Variants in MARCHF3 observed in about 807,000 individuals in gnomAD.
MARCHF3 encodes E3 ubiquitin-protein ligase MARCHF3.
In MARCHF3, 13 loss-of-function variants were observed where a neutral mutation model predicts 24.2. The ratio of observed to expected loss-of-function variants is 0.54; its 90% confidence interval spans 0.35 to 0.85. The LOEUF (loss-of-function observed/expected upper bound fraction) is 0.85. MARCHF3 is among the 40% of genes least tolerant of loss of function. MARCHF3 has a pLI of 0.01. For missense variants in MARCHF3, 276 were observed against 325.0 expected (o/e 0.85, Z 1.16); for synonymous variants, 144 against 137.3 (o/e 1.05, Z -0.34).
intron 4 of MARCHF3, among the ~76,000 whole-genome samples, chr5:126,876,121 C>T (rs1753148339): frequency 6.6e-6 from 1 of 152,194 alleles, no homozygotes; most frequent in Non-Finnish European, 1.5e-5. Context: ...GGAGATGAAA[C>T]GAGGTCACAT....
At chr5:126,870,946 T>G (rs1185037103) in intron 4 of MARCHF3, among the ~76,000 whole-genome samples, 155 bp from the exon 5 acceptor site, 1 of 152,084 alleles carries the variant, frequency 6.6e-6, no homozygotes, top group Non-Finnish European at 1.5e-5. Flanking sequence ...TGGCACGCAG[T>G]GAGTGTTGAG....
chr5:126,885,929 C>T (rs1009785797), intron 3 of MARCHF3, among the ~76,000 whole-genome samples: 3 of 151,490 alleles, frequency 2.0e-5, no homozygotes, highest in Non-Finnish European at 4.4e-5. Context: ...GTCATGAAGT[C>T]GTATGAGAAA....
chr5:127,026,603 A>C (rs1380199512), intron 1 of MARCHF3, among the ~76,000 whole-genome samples: 1 of 152,258 alleles, frequency 6.6e-6, no homozygotes, highest in African/African-American at 2.4e-5. Flanking sequence ...GATATGAACG[A>C]CTAAGCATAA....
intron 1 of MARCHF3, among the ~76,000 whole-genome samples, chr5:126,992,376 C>G (rs983195927): frequency 1.3e-5 from 2 of 152,170 alleles, no homozygotes; most frequent in Non-Finnish European, 1.5e-5. Flanking sequence ...AGGCTCAGGG[C>G]AAGATAATTT....
chr5:126,922,516 A>AT (rs149494492), intron 1 of MARCHF3, among the ~76,000 whole-genome samples: 1,132 of 58,216 alleles, frequency 0.019, 16 homozygotes, highest in African/African-American at 0.043. Context: ...TCTGTCTTTT[A>AT]TTTATTTATT....
intron 3 of MARCHF3, among the ~76,000 whole-genome samples, chr5:126,908,487 T>G (rs1040738792): frequency 1.3e-5 from 2 of 152,232 alleles, no homozygotes; most frequent in Non-Finnish European, 2.9e-5. Context: ...TCTTTTCACA[T>G]AGTCCCATAT....
chr5:127,014,952 T>G (rs2126859676), intron 1 of MARCHF3, among the ~76,000 whole-genome samples: 1 of 152,226 alleles, frequency 6.6e-6, no homozygotes, highest in South Asian at 2.1e-4. Flanking sequence ...ATTATATAGT[T>G]TCAGATAGCT....
At chr5:126,920,283 A>C (rs533109882) in intron 1 of MARCHF3, among the ~76,000 whole-genome samples, 14 of 152,250 alleles carry the variant, frequency 9.2e-5, no homozygotes, top group Admixed American at 3.3e-4. Context: ...TCAGACCGAA[A>C]AACAAAGAGA....
chr5:126,894,297 G>C (rs1450798251), intron 3 of MARCHF3, among the ~76,000 whole-genome samples: 1 of 148,872 alleles, frequency 6.7e-6, no homozygotes, highest in Non-Finnish European at 1.5e-5. Context: ...TACATTTAAA[G>C]TTAATATTGT....
At chr5:126,975,950 TGG>T (rs1400816900) in intron 1 of MARCHF3, among the ~76,000 whole-genome samples, 2 of 152,212 alleles carry the variant, frequency 1.3e-5, no homozygotes, top group Non-Finnish European at 2.9e-5. Context: ...AATGCCTCTT[TGG>T]GTTTCTTTCA....
intron 1 of MARCHF3, among the ~76,000 whole-genome samples, chr5:126,929,066 A>G (rs1749392856): frequency 6.6e-6 from 1 of 152,206 alleles, no homozygotes; most frequent in Admixed American, 6.5e-5. Flanking sequence ...TGTACACATC[A>G]TATTTGGATG....
chr5:126,911,202 G>A (rs761450439), intron 3 of MARCHF3, among the ~76,000 whole-genome samples: 23 of 152,036 alleles, frequency 1.5e-4, no homozygotes, highest in Admixed American at 2.6e-4. Flanking sequence ...CTGTGATCTC[G>A]CCCTGCCTCC....
At chr5:126,894,637 G>C (rs1037825754) in intron 3 of MARCHF3, among the ~76,000 whole-genome samples, 8 of 151,736 alleles carry the variant, frequency 5.3e-5, no homozygotes, top group Non-Finnish European at 1.0e-4. Context: ...CTGGCTTGTA[G>C]GGTTTCTGCC....
At chr5:126,875,471 T>G (rs1289485773) in intron 4 of MARCHF3, among the ~76,000 whole-genome samples, 1 of 152,266 alleles carries the variant, frequency 6.6e-6, no homozygotes. Flanking sequence ...TTTGTTTATC[T>G]AAGACATTTT....
At chr5:126,894,434 C>G (rs1250478172) in intron 3 of MARCHF3, among the ~76,000 whole-genome samples, 3 of 151,074 alleles carry the variant, frequency 2.0e-5, no homozygotes, top group African/African-American at 7.3e-5. Flanking sequence ...ACCGGTTGTT[C>G]CTTTCCATGT....
intron 3 of MARCHF3, among the ~76,000 whole-genome samples, chr5:126,911,822 A>G (rs1415767952): frequency 1.3e-5 from 2 of 152,262 alleles, no homozygotes; most frequent in African/African-American, 4.8e-5. Context: ...AGAGGTAAGT[A>G]GACACACATA....
At chr5:126,946,990 AAT>A (rs1234044820) in intron 1 of MARCHF3, among the ~76,000 whole-genome samples, 1 of 152,142 alleles carries the variant, frequency 6.6e-6, no homozygotes, top group Admixed American at 6.5e-5. Context: ...TAGATTTTAG[AAT>A]AATTTCTTTT....
intron 1 of MARCHF3, among the ~76,000 whole-genome samples, chr5:126,956,645 CAAAAAAAAAA>C (rs60640113): frequency 3.9e-4 from 8 of 20,596 alleles, no homozygotes; most frequent in African/African-American, 1.5e-3. Context: ...GCTCTGTCTC[CAAAAAAAAAA>C]AAAAAAAAAA....
intron 1 of MARCHF3, among the ~76,000 whole-genome samples, chr5:126,920,664 G>C (rs73783495): frequency 2.0e-4 from 30 of 152,278 alleles, no homozygotes; most frequent in African/African-American, 7.2e-4. Context: ...AGGGCTGCCA[G>C]TAGTTAGGCT....
Sources: gnomAD v4.1 joint callset for allele counts (sites outside exome capture counted in the v4.1 genomes callset) on GRCh38, gnomAD v4.1.1 for gene constraint, MANE v1.5 for transcripts, NCBI Gene and HGNC (gene_info 2026-07-23, HGNC 2026-07-21) for gene names.